Variants in ATRN observed in about 807,000 individuals in gnomAD.
The protein encoded by ATRN is attractin-2.
Under a neutral mutation model 178.7 loss-of-function variants are expected in ATRN, and 54 were observed. The ratio of observed to expected loss-of-function variants is 0.30; its 90% CI spans 0.24 to 0.38. The LOEUF is 0.38. ATRN is among the 10% of genes least tolerant of loss of function. The pLI, the probability that ATRN is intolerant of heterozygous loss-of-function variation, is 1.00. For synonymous variants in ATRN, 636 were observed against 663.0 expected (o/e 0.96, Z 0.63); for missense variants, 1,443 against 1,815.1 (o/e 0.79, Z 3.73).
At chr20:3,519,852 G>A (rs572636571) in intron 1 of ATRN, among the ~76,000 whole-genome samples, 4 of 152,350 alleles carry the variant, frequency 2.6e-5, no homozygotes, top group East Asian at 1.9e-4. Context: ...CAGTGGATTA[G>A]CATCTAGAGC....
chr20:3,627,235 C>A (rs1383874596), intron 25 of ATRN, among the ~76,000 whole-genome samples: 1 of 152,212 alleles, frequency 6.6e-6, no homozygotes, highest in Non-Finnish European at 1.5e-5. Context: ...CACCTAGAAT[C>A]ACTTGCGGAG....
chr20:3,517,269 G>A (rs570695277), intron 1 of ATRN, among the ~76,000 whole-genome samples: 190 of 151,770 alleles, frequency 1.3e-3, no homozygotes, highest in African/African-American at 4.1e-3. Flanking sequence ...TTAAAAAATA[G>A]GTTACATATA....
At chr20:3,492,147 A>C (rs1568685105) in intron 1 of ATRN, among the ~76,000 whole-genome samples, 3 of 148,856 alleles carry the variant, frequency 2.0e-5, no homozygotes, top group Non-Finnish European at 4.4e-5. Context: ...AGAAGGGTTG[A>C]GAGCATATTC....
chr20:3,601,101 C>A, intron 23 of ATRN, 77 bp downstream of exon 23: 1 of 1,358,306 alleles, frequency 7.4e-7, no homozygotes, highest in Non-Finnish European at 1.0e-6. Context: ...ATTGAGAAAG[C>A]GAGCTCAGGA....
At chr20:3,565,532 C>A in intron 11 of ATRN, 100 bp downstream of exon 11, 1 of 960,288 alleles carries the variant, frequency 1.0e-6, no homozygotes, top group South Asian at 1.4e-5. Context: ...CTTTGGGAGG[C>A]CGAGGCGGGT....
At chr20:3,602,796 C>T (rs942763831) in intron 23 of ATRN, among the ~76,000 whole-genome samples, 5 of 151,070 alleles carry the variant, frequency 3.3e-5, no homozygotes, top group Non-Finnish European at 1.5e-5. Flanking sequence ...AAATCCCGTC[C>T]CTACTAAAAA....
At chr20:3,492,414 G>T (rs969752138) in intron 1 of ATRN, among the ~76,000 whole-genome samples, 3 of 152,080 alleles carry the variant, frequency 2.0e-5, no homozygotes, top group African/African-American at 7.2e-5. Context: ...ATTGACAAGG[G>T]TAGTGACATG....
chr20:3,572,921 A>G lies in ATRN; in HGVS notation c.2062A>G (p.Lys688Glu), dbSNP rs372356486. The G allele has an allele frequency of 2.7e-5, 43 of 1,613,834 alleles. No homozygotes were observed. The highest frequency in any genetic ancestry group is 2.9e-5 in the Non-Finnish European group (34 of 1,179,984). Residue 688 changes from lysine (K) to glutamate (E), a missense_variant, in exon 12 of 29, where the codon AAG becomes GAG. Lys to Glu is a moderately conservative substitution (Grantham distance 56). This residue lies in a region of ATRN where 862 missense variants were observed against 972.1 expected (regional missense o/e 0.89). Coordinates refer to ENST00000262919, the MANE Select transcript of ATRN (RefSeq NM_139321.3). ...GCTGGCAACTGATGAACAAGAAGAA[A>G]AGTTAAAATCAGAATGTTTTTCCAA... The part of the protein sequence containing the change: ...WALATDEQEE[K>E]LKSECFSKRT...
intron 1 of ATRN, chr20:3,489,898 G>A: frequency 2.3e-6 from 3 of 1,284,656 alleles, no homozygotes; most frequent in East Asian, 4.6e-5. Flanking sequence ...AGGTTTTTGG[G>A]GTTGTAAATG....
intron 5 of ATRN, among the ~76,000 whole-genome samples, chr20:3,547,954 T>C (rs1223532436): frequency 2.0e-5 from 3 of 152,202 alleles, no homozygotes; most frequent in Non-Finnish European, 4.4e-5. Flanking sequence ...ATAACTGTTA[T>C]TAATTTGGTG....
intron 25 of ATRN, chr20:3,629,195 C>T: frequency 9.1e-6 from 9 of 985,358 alleles, no homozygotes; most frequent in Non-Finnish European, 1.1e-5. Flanking sequence ...TGACTTTGGC[C>T]CCTCCAGAAT....
At chr20:3,572,980 T>G (rs1385327852) in intron 12 of ATRN, 29 bp downstream of exon 12, 3 of 1,589,676 alleles carry the variant, frequency 1.9e-6, no homozygotes, top group Non-Finnish European at 2.6e-6. Flanking sequence ...ACTTAGATTT[T>G]AATGAATTTG....
intron 11 of ATRN, among the ~76,000 whole-genome samples, chr20:3,570,070 C>CAA (rs796676311): frequency 1.5e-5 from 2 of 132,580 alleles, no homozygotes; most frequent in African/African-American, 2.8e-5. Context: ...GACTCTAACT[C>CAA]AAAAAAAAAA....
intron 22 of ATRN, among the ~76,000 whole-genome samples, chr20:3,599,880 G>T (rs761702122): frequency 1.3e-5 from 2 of 152,268 alleles, no homozygotes; most frequent in South Asian, 2.1e-4. Context: ...GAAGGTAAAT[G>T]CTTTGTGAGA....
At chr20:3,596,940 G>A (rs193222415) in intron 21 of ATRN, among the ~76,000 whole-genome samples, 3 of 151,824 alleles carry the variant, frequency 2.0e-5, no homozygotes, top group South Asian at 2.1e-4. Context: ...ACCAGAGTAC[G>A]GGACCAGAAA....
In ATRN at chr20:3,596,374, C is replaced by T. The variant is rs765948887; in HGVS notation, c.3417-3C>T. On this transcript the variant is annotated splice_polypyrimidine_tract_variant and splice_region_variant and intron_variant, in intron 20 of 28. Transcript: ENST00000262919. ...GTATAAAATAGTCTTTTTTCCCCCC[C>T]AGATGTGAGGTAGAAAATCGATACC... The T allele has an allele frequency of 3.2e-5, 52 of 1,612,250 alleles. No individual in the cohort carries two copies. The South Asian group carries it at 4.3e-4, about 13-fold the overall frequency.
At chr20:3,572,693 G>A (rs1467264581) in intron 11 of ATRN, 38 bp from the exon 12 acceptor site, 1 of 1,531,566 alleles carries the variant, frequency 6.5e-7, no homozygotes, top group African/African-American at 1.4e-5. Flanking sequence ...TGTTATCTGA[G>A]TCTCTAGTAA....
intron 2 of ATRN, among the ~76,000 whole-genome samples, chr20:3,537,857 C>A (rs1169667524): frequency 2.0e-5 from 3 of 150,282 alleles, no homozygotes. Flanking sequence ...TTTTTTATGG[C>A]TGCATAGTAT....
chr20:3,550,496 T>G (rs2085772784), intron 6 of ATRN, among the ~76,000 whole-genome samples: 1 of 152,230 alleles, frequency 6.6e-6, no homozygotes, highest in African/African-American at 2.4e-5. Flanking sequence ...GTTCGAGCCC[T>G]TTAATTTCTG....
Sources: gnomAD v4.1 joint callset for allele counts (sites outside exome capture counted in the v4.1 genomes callset) on GRCh38, gnomAD v4.1.1 for gene constraint, gnomAD v4.1.1 regional missense constraint, MANE v1.5 for transcripts, NCBI Gene and HGNC (gene_info 2026-07-23, HGNC 2026-07-21) for gene names.